Variants in CD52 observed in about 807,000 individuals in gnomAD.
CD52 encodes the protein CAMPATH-1 antigen.
In CD52, 2 loss-of-function variants were observed where a neutral mutation model predicts 2.5. The observed-to-expected ratio is 0.79, with a 90% CI of 0.32 to 2.48. The LOEUF (loss-of-function observed/expected upper bound fraction) is 2.48, where lower values mean the gene tolerates loss of function less well. CD52 is among the 30% of genes most tolerant of loss of function. The pLI, the probability that CD52 is intolerant of heterozygous loss-of-function variation, is 0.11. For missense variants in CD52, 62 were observed against 75.8 expected (o/e 0.82, Z 0.68); for synonymous variants, 24 against 27.7 (o/e 0.87, Z 0.42).
rs748403780 is a variant in CD52 at position 26,320,159 on chromosome 1, C to G, written c.55-12C>G. On this transcript the variant is annotated splice_polypyrimidine_tract_variant and intron_variant, in intron 1 of 1. Transcript: ENST00000374213. ...AAAGTCCCCTGATCTTATCCCACTT[C>G]TCCTCCTACAGATACAAACTGGACT... 2 of 1,605,314 alleles carry G rather than the reference C, an allele frequency of 1.2e-6. No homozygotes were observed. The highest frequency in any genetic ancestry group is 8.5e-7 in the Non-Finnish European group (1 of 1,176,924).
chr1:26,320,373 T>A lies in CD52; in HGVS notation c.*71T>A. ...CACCATCACTCGCAAGAGAATCCCC[T>A]CCATCTTTGGGAGGGGTTGATGCCA... On this transcript the variant is annotated 3_prime_UTR_variant, in exon 2 of 2. Transcript: ENST00000374213. The A allele has an allele frequency of 6.5e-7, 1 of 1,534,382 alleles. No homozygotes were observed. Among genetic ancestry groups the A allele is most frequent in the South Asian group, 1.2e-5 (1 of 81,126 alleles).
At chr1:26,319,850 G>A (rs565536874) in intron 1 of CD52, among the ~76,000 whole-genome samples, 6 of 151,960 alleles carry the variant, frequency 3.9e-5, no homozygotes, top group Admixed American at 6.6e-5. Context: ...GGCTGGGTAC[G>A]ATGGCTCACA....
At chr1:26,320,068 C>T (rs1414977076) in intron 1 of CD52, 103 bp from the exon 2 acceptor site, 5 of 1,391,596 alleles carry the variant, frequency 3.6e-6, no homozygotes, top group African/African-American at 3.0e-5. Flanking sequence ...TGCAGTGAGC[C>T]GAGATCGCAT....
intron 1 of CD52, 98 bp from the exon 2 acceptor site, chr1:26,320,072 AT>A: frequency 2.1e-6 from 3 of 1,398,492 alleles, no homozygotes; most frequent in Non-Finnish European, 2.9e-6. Flanking sequence ...GTGAGCCGAG[AT>A]CGCATCACTG....
chr1:26,319,580 G>A (rs1024773869), intron 1 of CD52, among the ~76,000 whole-genome samples: 13 of 152,026 alleles, frequency 8.6e-5, no homozygotes, highest in African/African-American at 3.1e-4. Flanking sequence ...CTCCAGCCTG[G>A]GCAAAAGAGC....
rs773924069 is a variant in CD52 at position 26,317,971 on chromosome 1, A to G, written c.-47A>G. ...AAAGAAGCCTCCAGACAGCCCTGAG[A>G]TCACCTAAAAAGCTGCTACCAAGAC... On this transcript the variant is annotated 5_prime_UTR_variant, in exon 1 of 2. Transcript: ENST00000374213. The G allele has an allele frequency of 1.9e-5, 30 of 1,574,772 alleles. No individual in the cohort carries two copies. Among genetic ancestry groups the G allele is most frequent in the Non-Finnish European group, 2.3e-5 (26 of 1,144,294 alleles).
rs371202375 is a variant in CD52 at position 26,320,309 on chromosome 1, A to G, written c.*7A>G. 6.2e-7 allele frequency: 1 copy of G among 1,610,552 alleles called. No homozygotes were observed. Among genetic ancestry groups the G allele is most frequent in the East Asian group, 2.2e-5 (1 of 44,842 alleles). The stretch of plus-strand genomic sequence containing the variant: ...CCTCTTCTGCTTCAGTTGAGGTGAC[A>G]CGTCTCAGCCTTAGCCCTGTGCCCC... On this transcript the variant is annotated 3_prime_UTR_variant, in exon 2 of 2. Coordinates refer to ENST00000374213, the MANE Select transcript of CD52 (RefSeq NM_001803.3).
intron 1 of CD52, among the ~76,000 whole-genome samples, chr1:26,319,434 G>C (rs1242808722): frequency 1.3e-5 from 2 of 150,610 alleles, no homozygotes; most frequent in East Asian, 3.9e-4. Context: ...ACTCCAGCCT[G>C]GGCGGGCGAC....
intron 1 of CD52, among the ~76,000 whole-genome samples, chr1:26,319,483 C>G (rs1358072785): frequency 8.6e-6 from 1 of 115,892 alleles, no homozygotes; most frequent in African/African-American, 3.1e-5. Flanking sequence ...AAAAAATTAG[C>G]TGGGCGTGAT....
chr1:26,319,611 CAG>C (rs1175032283), intron 1 of CD52, among the ~76,000 whole-genome samples: 4 of 151,908 alleles, frequency 2.6e-5, no homozygotes, highest in Non-Finnish European at 2.9e-5. Context: ...CTCAAAAAAA[CAG>C]AAAGTTTCTG....
At chr1:26,319,520 C>A (rs75179298) in intron 1 of CD52, among the ~76,000 whole-genome samples, 2 of 150,588 alleles carry the variant, frequency 1.3e-5, no homozygotes, top group African/African-American at 2.4e-5. Flanking sequence ...CCCAGCTACT[C>A]GGGAGGTTGA....
intron 1 of CD52, among the ~76,000 whole-genome samples, chr1:26,319,222 G>A (rs968050944): frequency 1.9e-4 from 28 of 148,764 alleles, no homozygotes; most frequent in Admixed American, 6.0e-4. Flanking sequence ...GGAGGCTGAG[G>A]CGGGTGGATC....
chr1:26,319,322 T>C (rs958846295), intron 1 of CD52, among the ~76,000 whole-genome samples: 2 of 151,686 alleles, frequency 1.3e-5, no homozygotes, highest in African/African-American at 4.9e-5. Flanking sequence ...GGGCGTGGCG[T>C]GGTGGCGGGC....
In CD52 at chr1:26,320,453, A is replaced by C; in HGVS notation, c.*151A>C. 4.2e-6 allele frequency: 4 copies of C among 959,310 alleles called. No homozygotes were observed. Among genetic ancestry groups the C allele is most frequent in the Non-Finnish European group, 4.6e-6 (3 of 654,768 alleles). The allele number at this position is 959,310 out of a possible 1,614,324, so 59.4% of individuals were successfully genotyped here. A position where few individuals can be genotyped will look rare whatever the true frequency, so the allele number is the denominator to read the frequency against. ...CAGTGCCATGGGGGCAACAGCCAAA[A>C]TAGGGGGGTAATGATGTAGGGGCCA... On this transcript the variant is annotated 3_prime_UTR_variant, in exon 2 of 2. Transcript: ENST00000374213.
intron 1 of CD52, 32 bp downstream of exon 1, chr1:26,318,103 C>G (rs773292945): frequency 6.3e-7 from 1 of 1,596,842 alleles, no homozygotes; most frequent in South Asian, 1.1e-5. Flanking sequence ...ACTGCCAGGA[C>G]TCCCCAAAGT....
intron 1 of CD52, among the ~76,000 whole-genome samples, chr1:26,319,312 G>A (rs577787859): frequency 1.3e-5 from 2 of 152,048 alleles, no homozygotes; most frequent in Admixed American, 6.6e-5. Context: ...GAAATTAGCC[G>A]GGCGTGGCGT....
In CD52 at chr1:26,320,200, C is replaced by T; in HGVS notation, c.84C>T (p.Asp28=). The T allele has an allele frequency of 1.2e-6, 2 of 1,613,866 alleles. No homozygotes were observed. The highest frequency in any genetic ancestry group is 1.7e-6 in the Non-Finnish European group (2 of 1,179,940). The change falls in exon 2 of 2, where the codon GAC becomes GAT. Residue 28 remains aspartate, a synonymous_variant. Transcript: ENST00000374213. ...QIQTGLSGQN[D]TSQTSSPSAS... ...AAACTGGACTCTCAGGACAAAACGA[C>T]ACCAGCCAAACCAGCAGCCCCTCAG...
intron 1 of CD52, 61 bp from the exon 2 acceptor site, chr1:26,320,110 A>T: frequency 1.3e-6 from 2 of 1,541,592 alleles, no homozygotes; most frequent in Non-Finnish European, 1.7e-6. Context: ...ACAGAGTGAG[A>T]CTCCACCTCT....
rs1316791859 is a variant in CD52 at position 26,320,220 on chromosome 1, C to T, written c.104C>T (p.Pro35Leu). 6.2e-7 allele frequency: 1 copy of T among 1,614,034 alleles called. No homozygotes were observed. Among genetic ancestry groups the T allele is most frequent in the South Asian group, 1.1e-5 (1 of 91,066 alleles). ...AACGACACCAGCCAAACCAGCAGCCCCTCAGCATCCAGCAACATAAGCGGA... is the reference window on the plus strand; with the variant it reads ...AACGACACCAGCCAAACCAGCAGCCTCTCAGCATCCAGCAACATAAGCGGA... ...GQNDTSQTSS[P>L]SASSNISGGI... Residue 35 changes from proline (P) to leucine (L), a missense_variant, in exon 2 of 2, where the codon CCC becomes CTC. By Grantham distance (98) the Pro-to-Leu change is moderately conservative (BLOSUM62 -3). Coordinates refer to ENST00000374213, the MANE Select transcript of CD52 (RefSeq NM_001803.3).
Sources: gnomAD v4.1 joint callset for allele counts (sites outside exome capture counted in the v4.1 genomes callset) on GRCh38, gnomAD v4.1.1 for gene constraint, MANE v1.5 for transcripts, NCBI Gene and HGNC (gene_info 2026-07-23, HGNC 2026-07-21) for gene names.